Variants in GOLGA4 observed in about 807,000 individuals in gnomAD.
GOLGA4 encodes the protein golgin subfamily A member 4.
Under a neutral mutation model 265.9 loss-of-function variants are expected in GOLGA4, and 169 were observed. That is an observed-to-expected ratio of 0.64 (90% confidence interval 0.56 to 0.72). The LOEUF is 0.72. GOLGA4 is among the 30% of genes least tolerant of loss of function. GOLGA4 has a pLI of 0.00. For missense variants in GOLGA4, 2,482 were observed against 2,483.4 expected (o/e 1.00, Z 0.01); for synonymous variants, 923 against 855.8 (o/e 1.08, Z -1.37).
chr3:37,282,314 C>T lies in GOLGA4; in HGVS notation c.477+42C>T, dbSNP rs73825056. 1.5e-3 allele frequency: 2,122 copies of T among 1,419,132 alleles called. 26 individuals are homozygous for T. In the African/African-American group the frequency reaches 0.025, roughly 17 times the overall value. 87.9% of individuals were successfully genotyped at this position (1,419,132 alleles called of 1,614,324 possible). A position where few individuals can be genotyped will look rare whatever the true frequency, so the allele number is the denominator to read the frequency against. On this transcript the variant is annotated intron_variant, in intron 3 of 23. Coordinates refer to ENST00000361924, the MANE Select transcript of GOLGA4 (RefSeq NM_002078.5). ...TTTGCCTGTACAAAAATTTCTTCCC[C>T]TTGTTCTCTCATTCATATTACTGTA...
rs2096845597 is a variant in GOLGA4, at chr3:37,285,348, T to C, written c.478-666T>C. On this transcript the variant is annotated intron_variant, in intron 3 of 23. Transcript: ENST00000361924. ...CTTCCAGGCTGAAAAGATTTGTTAATCCATAATTTCATTAGGGTGTGCTAG... is the reference window on the plus strand; with the variant it reads ...CTTCCAGGCTGAAAAGATTTGTTAACCCATAATTTCATTAGGGTGTGCTAG... Among the ~76,000 whole-genome samples the C allele has an allele frequency of 2.0e-5, 3 of 152,120 alleles. No homozygotes were observed. The South Asian group carries it at 6.2e-4, about 32-fold the overall frequency.
intron 2 of GOLGA4, among the ~76,000 whole-genome samples, chr3:37,264,986 C>G (rs1215202744): frequency 6.6e-6 from 1 of 151,818 alleles, no homozygotes; most frequent in Non-Finnish European, 1.5e-5. Flanking sequence ...CCCTATATAC[C>G]CATCACCCAT....
intron 21 of GOLGA4, among the ~76,000 whole-genome samples, chr3:37,348,842 C>G (rs187211963): frequency 3.3e-5 from 5 of 152,094 alleles, no homozygotes; most frequent in Admixed American, 3.3e-4. Context: ...GCTTAACTAC[C>G]CTGAAGAAAG....
intron 10 of GOLGA4, among the ~76,000 whole-genome samples, chr3:37,314,527 G>C (rs1284802956): frequency 6.6e-6 from 1 of 151,976 alleles, no homozygotes; most frequent in African/African-American, 2.4e-5. Flanking sequence ...TGTGGTCCCA[G>C]CTACTTGGGA....
chr3:37,362,225 A>T lies in GOLGA4; in HGVS notation c.*33+920A>T, dbSNP rs375754666. 2.7e-4 allele frequency among the ~76,000 whole-genome samples: 21 copies of T among 76,808 alleles called. 1 individual carries two copies. The South Asian group carries it at 5.8e-3, about 21-fold the overall frequency. The allele number at this position is 76,808 out of a possible 152,430, so 50.4% of individuals were successfully genotyped here. Reference sequence around the variant, plus strand: ...TATTTATTTATTTATTTATTTATTTATTTATTTATTTATTATTTTTTTTTT... The same window carrying T: ...TATTTATTTATTTATTTATTTATTTTTTTATTTATTTATTATTTTTTTTTT... On this transcript the variant is annotated intron_variant, in intron 23 of 23. Transcript: ENST00000361924.
At chr3:37,305,389 A>G (rs972039989) in intron 10 of GOLGA4, among the ~76,000 whole-genome samples, 1 of 152,262 alleles carries the variant, frequency 6.6e-6, no homozygotes, top group Non-Finnish European at 1.5e-5. Context: ...TTTTACATCT[A>G]TAATGAAAGC....
rs73053223 is a variant in GOLGA4, at chr3:37,364,253, T to G, written c.*34-1827T>G. ...TTTTCTTTTCCTTTTCTTTTTTTTA[T>G]ATTTGAGACGGAGTTTCACTCTTGT... On this transcript the variant is annotated intron_variant, in intron 23 of 23. Transcript: ENST00000361924. Among the ~76,000 whole-genome samples the G allele has an allele frequency of 7.1e-3, 1,078 of 152,276 alleles. 5 individuals carry two copies. The highest frequency in any genetic ancestry group is 0.024 in the Middle Eastern group (7 of 294).
chr3:37,343,260 T>TA (rs1286596404), intron 20 of GOLGA4, among the ~76,000 whole-genome samples: 1 of 152,236 alleles, frequency 6.6e-6, no homozygotes, highest in African/African-American at 2.4e-5. Context: ...TAGCTGGGAT[T>TA]ATAGGCATGC....
intron 21 of GOLGA4, among the ~76,000 whole-genome samples, chr3:37,352,766 A>G (rs2097078635): frequency 6.6e-6 from 1 of 152,054 alleles, no homozygotes; most frequent in Admixed American, 6.6e-5. Flanking sequence ...AGACCACTAA[A>G]TGAAATAAGG....
At chr3:37,329,339 C>G (rs2096982698) in intron 16 of GOLGA4, 2 of 278,668 alleles carry the variant, frequency 7.2e-6, no homozygotes, top group East Asian at 1.5e-4. Flanking sequence ...AGTATTGAAG[C>G]AACAGTAGAT....
intron 10 of GOLGA4, among the ~76,000 whole-genome samples, chr3:37,308,789 G>A (rs902401110): frequency 8.6e-5 from 13 of 151,588 alleles, no homozygotes; most frequent in African/African-American, 3.1e-4. Flanking sequence ...CTAATTTTTT[G>A]TATTTTTAGT....
intron 5 of GOLGA4, among the ~76,000 whole-genome samples, chr3:37,291,032 A>C (rs1480553871): frequency 6.6e-6 from 1 of 152,096 alleles, no homozygotes; most frequent in Non-Finnish European, 1.5e-5. Context: ...GGTATCTTGT[A>C]TTTCTGGTGA....
rs773203716 is a variant in GOLGA4, at chr3:37,282,182, G to A, written c.387G>A (p.Gly129=). 14 of 1,614,152 alleles carry A rather than the reference G, an allele frequency of 8.7e-6. 1 individual carries two copies. Among genetic ancestry groups the A allele is most frequent in the Non-Finnish European group, 1.2e-5 (14 of 1,179,968 alleles). The change falls in exon 3 of 24, where the codon GGG becomes GGA. Residue 129 remains glycine (G), a synonymous_variant. Transcript: ENST00000361924. ...DMDSEAEDLV[G]NSDSLNKEQL... ...ATAGCGAGGCTGAAGACTTGGTAGG[G>A]AATTCAGACAGTCTCAACAAAGAAC...
chr3:37,358,269 A>G (rs2097095583), intron 22 of GOLGA4, among the ~76,000 whole-genome samples: 1 of 152,178 alleles, frequency 6.6e-6, no homozygotes, highest in South Asian at 2.1e-4. Flanking sequence ...AAAGCTTTCT[A>G]TGACTGCTGG....
Position 37,326,959 on chromosome 3 carries a change from G to T in GOLGA4, c.5073G>T (p.Leu1691Phe). 3 of 1,613,804 alleles carry T rather than the reference G, an allele frequency of 1.9e-6. No homozygotes were observed. Among genetic ancestry groups the T allele is most frequent in the Non-Finnish European group, 2.5e-6 (3 of 1,179,822 alleles). ...AAAGAGAAAGGGAAGTTCACATCTT[G>T]GAAGAAAAACTTAAGTCAGTGGAAA... ...LQEREREVHI[L>F]EEKLKSVESS... Residue 1691 changes from leucine to phenylalanine, a missense_variant, in exon 14 of 24, where the codon TTG (leucine) becomes TTT (phenylalanine). By Grantham distance (22) the Leu-to-Phe change is conservative. Coordinates refer to ENST00000361924, the MANE Select transcript of GOLGA4 (RefSeq NM_002078.5).
chr3:37,279,143 A>G (rs1248752171), intron 2 of GOLGA4, among the ~76,000 whole-genome samples: 2 of 152,216 alleles, frequency 1.3e-5, no homozygotes, highest in Non-Finnish European at 2.9e-5. Flanking sequence ...GGTAAAAAGC[A>G]CATCCTAGAG....
intron 10 of GOLGA4, among the ~76,000 whole-genome samples, chr3:37,306,189 A>G (rs1034264268): frequency 6.6e-6 from 1 of 152,220 alleles, no homozygotes; most frequent in Non-Finnish European, 1.5e-5. Flanking sequence ...AATGTTAGGC[A>G]TAGTTTTTGA....
At chr3:37,269,044 C>T (rs2096791190) in intron 2 of GOLGA4, among the ~76,000 whole-genome samples, 1 of 152,136 alleles carries the variant, frequency 6.6e-6, no homozygotes, top group African/African-American at 2.4e-5. Context: ...TTACCGTAAC[C>T]TTGGTGCTCA....
chr3:37,274,489 C>T (rs1485319351), intron 2 of GOLGA4, among the ~76,000 whole-genome samples: 5 of 151,874 alleles, frequency 3.3e-5, no homozygotes, highest in Admixed American at 6.6e-5. Context: ...ACCAGGAGTT[C>T]GAGACCAGCC....
Sources: gnomAD v4.1 joint callset for allele counts (sites outside exome capture counted in the v4.1 genomes callset) on GRCh38, gnomAD v4.1.1 for gene constraint, MANE v1.5 for transcripts, NCBI Gene and HGNC (gene_info 2026-07-23, HGNC 2026-07-21) for gene names.